Variants in CHD9 observed in about 807,000 individuals in gnomAD.
CHD9 encodes the protein ATP-dependent chromatin remodeler CHD9.
Under a neutral mutation model 316.1 loss-of-function variants are expected in CHD9, and 77 were observed. The observed-to-expected ratio is 0.24, with a 90% CI of 0.20 to 0.29. The LOEUF is 0.29. Among genes scored for constraint, CHD9 ranks in the 10% least tolerant of loss-of-function variants. CHD9 has a pLI of 1.00. For missense variants in CHD9, 2,763 were observed against 3,438.1 expected (o/e 0.80, Z 4.91); for synonymous variants, 1,129 against 1,158.3 (o/e 0.97, Z 0.51).
chr16:53,263,589 T>C (rs2051355129), intron 20 of CHD9, among the ~76,000 whole-genome samples: 1 of 152,150 alleles, frequency 6.6e-6, no homozygotes, highest in African/African-American at 2.4e-5. Flanking sequence ...ACTGCTTATT[T>C]ACTAAGACAC....
intron 1 of CHD9, among the ~76,000 whole-genome samples, chr16:53,118,981 G>A (rs2038533060): frequency 6.6e-6 from 1 of 151,922 alleles, no homozygotes; most frequent in African/African-American, 2.4e-5. Context: ...TAGTAGAGAT[G>A]GGGTTCCACC....
Position 53,201,071 on chromosome 16 carries a change from A to G in CHD9, c.1453-8411A>G, listed in dbSNP as rs143991908. 2.3e-3 allele frequency among the ~76,000 whole-genome samples: 350 copies of G among 152,206 alleles called. 3 individuals carry two copies. The highest frequency in any genetic ancestry group is 6.8e-3 in the Middle Eastern group (2 of 294). On this transcript the variant is annotated intron_variant, in intron 2 of 38. Transcript: ENST00000447540. The stretch of plus-strand genomic sequence containing the variant: ...GGCCCAGATAAATGATGGAACTGGA[A>G]CCAGAACCCAGGGCTGGCTGGCTCA...
intron 1 of CHD9, among the ~76,000 whole-genome samples, chr16:53,106,147 A>T (rs1015446378): frequency 6.6e-6 from 1 of 152,200 alleles, no homozygotes; most frequent in East Asian, 1.9e-4. Flanking sequence ...GATGATTTTC[A>T]TGTGCTAAAG....
At chr16:53,151,244 C>A (rs7187228) in intron 1 of CHD9, among the ~76,000 whole-genome samples, 2,002 of 112,008 alleles carry the variant, frequency 0.018, 67 homozygotes, top group African/African-American at 0.065. Flanking sequence ...TCTCCTTGTC[C>A]TGTCCTTTCC....
chr16:53,220,770 T>G (rs1231160433), intron 3 of CHD9, among the ~76,000 whole-genome samples: 1 of 152,216 alleles, frequency 6.6e-6, no homozygotes, highest in Non-Finnish European at 1.5e-5. Flanking sequence ...CCATTCTGGT[T>G]GTCCAGCTGT....
rs375959812 is a variant in CHD9 at position 53,320,736 on chromosome 16, CTG to C, written c.7714-786_7714-785del. On this transcript the variant is annotated intron_variant, in intron 37 of 38. Coordinates refer to ENST00000447540, the MANE Select transcript of CHD9 (RefSeq NM_001308319.2). ...TTTAAATTTCAAAATATTATTTTGTCTGTGTCATATTATTACATTTTTTTCCA... is the reference window on the plus strand; with the variant it reads ...TTTAAATTTCAAAATATTATTTTGTCTGTCATATTATTACATTTTTTTCCA... Among the ~76,000 whole-genome samples the C allele has an allele frequency of 8.5e-5, 13 of 152,136 alleles. No homozygotes were observed. The East Asian group carries it at 2.3e-3, about 27-fold the overall frequency.
chr16:53,302,758 T>G (rs887445063), intron 30 of CHD9, among the ~76,000 whole-genome samples: 1 of 152,214 alleles, frequency 6.6e-6, no homozygotes, highest in African/African-American at 2.4e-5. Context: ...AATCCAATAT[T>G]GTCTTTATTT....
intron 2 of CHD9, among the ~76,000 whole-genome samples, chr16:53,194,314 A>G (rs1265383992): frequency 1.3e-5 from 2 of 152,184 alleles, no homozygotes; most frequent in African/African-American, 2.4e-5. Context: ...GCAGTGGCTC[A>G]TGCCTATAAT....
intron 17 of CHD9, 125 bp from the exon 18 acceptor site, chr16:53,254,313 A>G: frequency 1.8e-6 from 1 of 542,606 alleles, no homozygotes. Flanking sequence ...TTCTAGAAAA[A>G]GGTTATATCT....
At chr16:53,148,465 C>A (rs981820251) in intron 1 of CHD9, among the ~76,000 whole-genome samples, 1 of 152,156 alleles carries the variant, frequency 6.6e-6, no homozygotes, top group Non-Finnish European at 1.5e-5. Flanking sequence ...ATTTTACATT[C>A]CTATGAGAAA....
intron 12 of CHD9, 68 bp from the exon 13 acceptor site, chr16:53,242,772 C>T (rs1597603255): frequency 7.3e-7 from 1 of 1,365,284 alleles, no homozygotes; most frequent in East Asian, 2.3e-5. Context: ...TATCTGATGC[C>T]ACTTGACAGG....
rs1018753095 is a variant in CHD9 at position 53,086,281 on chromosome 16, G to T, written c.-165+31204G>T. Among the ~76,000 whole-genome samples, 4 of 152,274 alleles carry T rather than the reference G, an allele frequency of 2.6e-5. 1 individual carries two copies. The highest frequency in any genetic ancestry group is 3.9e-4 in the East Asian group (2 of 5,170). The stretch of plus-strand genomic sequence containing the variant: ...TCACTGTTTTCTTAACTACCAAGAG[G>T]CACATGAAATCAGTGGCCTGGAGCT... On this transcript the variant is annotated intron_variant, in intron 1 of 38. Transcript: ENST00000447540.
chr16:53,101,052 G>A (rs1488495982), intron 1 of CHD9, among the ~76,000 whole-genome samples: 1 of 152,132 alleles, frequency 6.6e-6, no homozygotes, highest in African/African-American at 2.4e-5. Context: ...CTGCCTCTGG[G>A]TGTGTTCACA....
intron 2 of CHD9, among the ~76,000 whole-genome samples, chr16:53,160,911 CAAAAA>C (rs1384688725): frequency 6.6e-6 from 1 of 151,604 alleles, no homozygotes; most frequent in Non-Finnish European, 1.5e-5. Flanking sequence ...TGTCTCAAAA[CAAAAA>C]AAGAAAAGAA....
intron 3 of CHD9, among the ~76,000 whole-genome samples, chr16:53,218,839 A>G (rs569433874): frequency 1.3e-5 from 2 of 149,992 alleles, no homozygotes; most frequent in Admixed American, 6.6e-5. Flanking sequence ...CTCATCTACA[A>G]ACTATTTGAA....
chr16:53,324,692 A>G lies in CHD9; in HGVS notation c.8491A>G (p.Asn2831Asp), dbSNP rs767386094. 15 of 1,613,398 alleles carry G rather than the reference A, an allele frequency of 9.3e-6. No individual in the cohort carries two copies. The highest frequency in any genetic ancestry group is 1.3e-5 in the Non-Finnish European group (15 of 1,179,710). The stretch of plus-strand genomic sequence containing the variant: ...CAATACTTTTGATGTACAAAACAAA[A>G]ACAGTGACTTAGGCTCGTCTAAGTC... ...QSNTFDVQNK[N>D]SDLGSSKSVE... Residue 2831 changes from asparagine (N) to aspartate (D), a missense_variant, in exon 39 of 39, where the codon AAC (asparagine) becomes GAC (aspartate). Physicochemically the swap from Asn to Asp is conservative, Grantham distance 23. Transcript: ENST00000447540.
At chr16:53,162,620 TATACTC>T (rs3064735) in intron 2 of CHD9, among the ~76,000 whole-genome samples, 34,790 of 151,876 alleles carry the variant, frequency 0.23, 4,391 homozygotes, top group Middle Eastern at 0.32. Flanking sequence ...AATTTTAAGA[TATACTC>T]ATACATAATG....
At chr16:53,211,080 G>T (rs548063860) in intron 3 of CHD9, among the ~76,000 whole-genome samples, 3 of 152,026 alleles carry the variant, frequency 2.0e-5, no homozygotes, top group African/African-American at 7.2e-5. Context: ...ATAATTAAGG[G>T]TTTCCAGTTT....
chr16:53,167,176 TTGTA>T (rs1038377889), intron 2 of CHD9, among the ~76,000 whole-genome samples: 58 of 152,320 alleles, frequency 3.8e-4, no homozygotes, highest in African/African-American at 1.4e-3. Context: ...CTTTTTAGTT[TTGTA>T]TGTGTCAATT....
Sources: gnomAD v4.1 joint callset for allele counts (sites outside exome capture counted in the v4.1 genomes callset) on GRCh38, gnomAD v4.1.1 for gene constraint, MANE v1.5 for transcripts, NCBI Gene and HGNC (gene_info 2026-07-23, HGNC 2026-07-21) for gene names.